Variants in ALCAM observed in about 807,000 individuals in gnomAD.
ALCAM encodes the protein CD166 antigen.
ALCAM carries 30 observed loss-of-function variants against 70.9 expected under a neutral mutation model. The ratio of observed to expected loss-of-function variants is 0.42; its 90% CI spans 0.32 to 0.57. ALCAM has a LOEUF of 0.57. Among genes scored for constraint, ALCAM ranks in the 20% least tolerant of loss-of-function variants. The pLI, the probability that ALCAM is intolerant of heterozygous loss-of-function variation, is 0.11. For missense variants in ALCAM, 591 were observed against 695.1 expected (o/e 0.85, Z 1.68); for synonymous variants, 249 against 242.5 (o/e 1.03, Z -0.25).
intron 1 of ALCAM, among the ~76,000 whole-genome samples, chr3:105,474,903 C>T (rs1239181475): frequency 6.7e-6 from 1 of 149,910 alleles, no homozygotes; most frequent in African/African-American, 2.5e-5. Flanking sequence ...ATTCAACTGC[C>T]AATTAAAGAT....
chr3:105,380,200 T>A (rs1170609790), intron 1 of ALCAM, among the ~76,000 whole-genome samples: 1 of 151,840 alleles, frequency 6.6e-6, no homozygotes, highest in Non-Finnish European at 1.5e-5. Flanking sequence ...ATTTAGGTAA[T>A]CCCAAATTGT....
intron 1 of ALCAM, among the ~76,000 whole-genome samples, chr3:105,392,960 C>A (rs1005619872): frequency 2.0e-5 from 3 of 151,528 alleles, no homozygotes; most frequent in African/African-American, 7.3e-5. Context: ...GTATTACTAC[C>A]AAAATTGTAG....
In ALCAM at chr3:105,527,880, A is replaced by G. The variant is rs138796342; in HGVS notation, c.394+3372A>G. Among the ~76,000 whole-genome samples the G allele has an allele frequency of 1.5e-4, 23 of 149,496 alleles. No homozygotes were observed. In the East Asian group the frequency reaches 4.7e-3, roughly 30 times the overall value. On this transcript the variant is annotated intron_variant, in intron 3 of 15. Coordinates refer to ENST00000306107, the MANE Select transcript of ALCAM (RefSeq NM_001627.4). ...TGTCTTTGCTTTCACCCTCCTCCTA[A>G]AAGTCATTCAACCTAAAAGTAAAAT...
chr3:105,414,982 T>G (rs1201825253), intron 1 of ALCAM, among the ~76,000 whole-genome samples: 1 of 152,104 alleles, frequency 6.6e-6, no homozygotes. Context: ...TCGTCTGACC[T>G]AGAGCCTCAG....
intron 1 of ALCAM, among the ~76,000 whole-genome samples, chr3:105,374,448 A>G (rs1935326663): frequency 6.6e-6 from 1 of 152,162 alleles, no homozygotes; most frequent in Non-Finnish European, 1.5e-5. Flanking sequence ...TCATATAGTA[A>G]ACTTTCCCAT....
At chr3:105,484,157 C>T (rs1369865531) in intron 1 of ALCAM, among the ~76,000 whole-genome samples, 1 of 151,378 alleles carries the variant, frequency 6.6e-6, no homozygotes, top group Non-Finnish European at 1.5e-5. Context: ...ATGTCAAATA[C>T]ATATTATATA....
rs1052963153 is a variant in ALCAM, at chr3:105,576,409, C to A, written c.*1958C>A. ...ATTACTTCCATATAAATATTATTTTCTCTTTTGGTGTGGGAGATCAAAGGT... is the reference window on the plus strand; with the variant it reads ...ATTACTTCCATATAAATATTATTTTATCTTTTGGTGTGGGAGATCAAAGGT... On this transcript the variant is annotated 3_prime_UTR_variant, in exon 16 of 16. Transcript: ENST00000306107. 2 of 152,612 alleles carry A rather than the reference C, an allele frequency of 1.3e-5. No individual in the cohort carries two copies. The highest frequency in any genetic ancestry group is 3.9e-4 in the East Asian group (2 of 5,192). The allele number at this position is 152,612 out of a possible 1,614,324, so 9.5% of individuals were successfully genotyped here.
chr3:105,550,598 A>G (rs3772543), intron 12 of ALCAM, among the ~76,000 whole-genome samples: 5,710 of 151,558 alleles, frequency 0.038, 172 homozygotes, highest in East Asian at 0.12. Context: ...TCATCTTAAA[A>G]CATTTTTGTA....
At chr3:105,517,067 C>T (rs1027615466) in intron 1 of ALCAM, among the ~76,000 whole-genome samples, 2 of 152,030 alleles carry the variant, frequency 1.3e-5, no homozygotes, top group Non-Finnish European at 2.9e-5. Flanking sequence ...ACTGGCACTT[C>T]ATCTCAAAGA....
chr3:105,528,555 C>A (rs574202457), intron 3 of ALCAM, among the ~76,000 whole-genome samples: 1 of 152,228 alleles, frequency 6.6e-6, no homozygotes, highest in East Asian at 1.9e-4. Flanking sequence ...ATATGATCAG[C>A]CCTTAATGGG....
At chr3:105,470,799 A>G (rs1204469425) in intron 1 of ALCAM, among the ~76,000 whole-genome samples, 4 of 151,202 alleles carry the variant, frequency 2.6e-5, no homozygotes, top group South Asian at 2.1e-4. Flanking sequence ...ATTCCCTTCC[A>G]TAGATTATAC....
intron 1 of ALCAM, among the ~76,000 whole-genome samples, chr3:105,390,306 G>T (rs935251927): frequency 1.3e-5 from 2 of 152,062 alleles, no homozygotes; most frequent in African/African-American, 4.8e-5. Flanking sequence ...GGATGAAATG[G>T]TATCTCATTG....
At chr3:105,368,261 G>GAGAGAGAA (rs1559767074) in intron 1 of ALCAM, among the ~76,000 whole-genome samples, 1 of 142,768 alleles carries the variant, frequency 7.0e-6, no homozygotes, top group Non-Finnish European at 1.6e-5. Flanking sequence ...GAGAGAGAGA[G>GAGAGAGAA]AGAAAAGGCA....
intron 8 of ALCAM, chr3:105,544,915 A>AT (rs940213249): frequency 9.7e-4 from 267 of 274,852 alleles, no homozygotes; most frequent in Middle Eastern, 2.6e-3. Flanking sequence ...GTGACTTAAG[A>AT]TTTTTTTTTC....
At chr3:105,555,995 T>C (rs763245877) in intron 14 of ALCAM, among the ~76,000 whole-genome samples, 3 of 151,958 alleles carry the variant, frequency 2.0e-5, no homozygotes, top group Non-Finnish European at 4.4e-5. Flanking sequence ...CATTAATTAG[T>C]CCACCCTATA....
At chr3:105,382,093 C>T (rs1268540519) in intron 1 of ALCAM, among the ~76,000 whole-genome samples, 1 of 143,836 alleles carries the variant, frequency 7.0e-6, no homozygotes, top group Non-Finnish European at 1.5e-5. Context: ...TCCCCCCTCC[C>T]CCAACCCCAC....
At chr3:105,464,454 G>T (rs1040958915) in intron 1 of ALCAM, among the ~76,000 whole-genome samples, 2 of 151,208 alleles carry the variant, frequency 1.3e-5, no homozygotes, top group Non-Finnish European at 3.0e-5. Flanking sequence ...CAAAGAGATT[G>T]TAAGTGTGTT....
In ALCAM at chr3:105,552,579, A is replaced by C; in HGVS notation, c.1658A>C (p.Lys553Thr). ...GTCGTCTACTGGCTGTACATGAAGA[A>C]GTCAAAGTGAGTTGTGGAAAAAAGA... Reference protein sequence around the residue: ...AGVVYWLYMKKSKTASKHVNK... With the variant: ...AGVVYWLYMKTSKTASKHVNK... The change falls in exon 14 of 16, where the codon AAG becomes ACG. Residue 553 changes from lysine to threonine, a missense_variant. Physicochemically the swap from Lys to Thr is moderately conservative, Grantham distance 78 (BLOSUM62 -1). This residue lies in a region of ALCAM where 164 missense variants were observed against 244.7 expected (regional missense o/e 0.67). Coordinates refer to ENST00000306107, the MANE Select transcript of ALCAM (RefSeq NM_001627.4). 1.2e-6 allele frequency: 2 copies of C among 1,611,314 alleles called. No homozygotes were observed. The highest frequency in any genetic ancestry group is 3.3e-4 in the Middle Eastern group (2 of 6,048).
At chr3:105,501,036 A>G (rs1416979421) in intron 1 of ALCAM, among the ~76,000 whole-genome samples, 1 of 152,218 alleles carries the variant, frequency 6.6e-6, no homozygotes, top group African/African-American at 2.4e-5. Context: ...AATCTCTTTT[A>G]AAGTTTGATT....
Sources: allele counts gnomAD v4.1 joint callset (sites outside exome capture counted in the v4.1 genomes callset), GRCh38; gene constraint gnomAD v4.1.1; regional missense constraint gnomAD v4.1.1; transcripts MANE v1.5; gene names NCBI Gene and HGNC (gene_info 2026-07-23, HGNC 2026-07-21).